SEPTIN7: variants seen among roughly 807,000 people sequenced by gnomAD.
SEPTIN7 encodes the protein septin-7.
A neutral mutation model predicts 63.3 loss-of-function variants in SEPTIN7; 10 were observed. The ratio of observed to expected loss-of-function variants is 0.16; its 90% CI spans 0.10 to 0.27. The LOEUF (loss-of-function observed/expected upper bound fraction) is 0.27. Among genes scored for constraint, SEPTIN7 ranks in the 10% least tolerant of loss-of-function variants. The pLI, the probability that SEPTIN7 is intolerant of heterozygous loss-of-function variation, is 1.00. For synonymous variants in SEPTIN7, 131 were observed against 165.3 expected (o/e 0.79, Z 1.59); for missense variants, 310 against 521.0 (o/e 0.59, Z 3.94).
intron 3 of SEPTIN7, among the ~76,000 whole-genome samples, chr7:35,836,003 G>A (rs1784070431): frequency 6.6e-6 from 1 of 152,096 alleles, no homozygotes; most frequent in African/African-American, 2.4e-5. Flanking sequence ...TTTTTTCACA[G>A]CACACTGACT....
chr7:35,804,573 A>G (rs1370336615), intron 1 of SEPTIN7, among the ~76,000 whole-genome samples: 1 of 152,218 alleles, frequency 6.6e-6, no homozygotes, highest in Non-Finnish European at 1.5e-5. Flanking sequence ...TTAGATATGG[A>G]TGCAAATCTT....
intron 10 of SEPTIN7, chr7:35,888,778 C>G (rs113593466): frequency 3.4e-4 from 93 of 277,020 alleles, no homozygotes; most frequent in African/African-American, 2.0e-3. Flanking sequence ...TGAGATCGTA[C>G]CACTGCATTC....
chr7:35,807,151 T>C (rs1220827437), intron 1 of SEPTIN7, among the ~76,000 whole-genome samples: 1 of 152,114 alleles, frequency 6.6e-6, no homozygotes, highest in Non-Finnish European at 1.5e-5. Flanking sequence ...TGTTATGATG[T>C]TTCTGTTTTC....
intron 3 of SEPTIN7, among the ~76,000 whole-genome samples, chr7:35,842,659 A>G (rs1241394309): frequency 2.6e-5 from 4 of 152,236 alleles, no homozygotes; most frequent in Non-Finnish European, 5.9e-5. Context: ...AGTATTTTAT[A>G]TAATTAGAAG....
chr7:35,836,849 T>C (rs898882576), intron 3 of SEPTIN7, among the ~76,000 whole-genome samples: 7 of 152,294 alleles, frequency 4.6e-5, no homozygotes, highest in African/African-American at 1.4e-4. Flanking sequence ...TTTTAAGATA[T>C]GTTAATTCCG....
chr7:35,872,795 C>T (rs552247179), intron 5 of SEPTIN7, 29 bp downstream of exon 5: 1 of 1,475,470 alleles, frequency 6.8e-7, no homozygotes, highest in South Asian at 1.1e-5. Context: ...CACAACTTTG[C>T]AGTGCATTTG....
At chr7:35,812,067 C>T (rs1788755432) in intron 1 of SEPTIN7, 2 of 252,446 alleles carry the variant, frequency 7.9e-6, no homozygotes, top group Non-Finnish European at 1.7e-5. Context: ...GCAGAGGTTG[C>T]CGTGAGCCAA....
At chr7:35,854,900 G>A (rs1785128952) in intron 3 of SEPTIN7, among the ~76,000 whole-genome samples, 1 of 151,734 alleles carries the variant, frequency 6.6e-6, no homozygotes, top group Admixed American at 6.6e-5. Context: ...TTACAAAGTT[G>A]GTATATTCAC....
Position 35,905,974 on chromosome 7 carries a change from C to T in SEPTIN7, c.*1681C>T, listed in dbSNP as rs564975594. On this transcript the variant is annotated 3_prime_UTR_variant, in exon 14 of 14. Transcript: ENST00000350320. ...TACTTTTTAAAATTAATGACCTAAG[C>T]GGAGGGAATAATTATAAGTCAATAG... The T allele has an allele frequency of 1.7e-4, 26 of 152,066 alleles. No individual in the cohort carries two copies. Among genetic ancestry groups the T allele is most frequent in the Middle Eastern group, 3.4e-3 (1 of 294 alleles). The allele number at this position is 152,066 out of a possible 1,614,324, so 9.4% of individuals were successfully genotyped here.
downstream of SEPTIN7, among the ~76,000 whole-genome samples, chr7:35,908,550 C>T (rs1788678091): frequency 6.6e-6 from 1 of 152,138 alleles, no homozygotes; most frequent in South Asian, 2.1e-4. Context: ...GCCACTCAGG[C>T]TTTCTGAAAC....
intron 7 of SEPTIN7, among the ~76,000 whole-genome samples, chr7:35,880,334 A>G (rs1435474806): frequency 7.2e-6 from 1 of 139,834 alleles, no homozygotes; most frequent in East Asian, 2.1e-4. Flanking sequence ...CCCACTCCCC[A>G]TTTTGTCATG....
chr7:35,907,009 T>C lies in SEPTIN7; in HGVS notation c.*2716T>C, dbSNP rs189593755. 1 of 152,358 alleles carries C rather than the reference T, an allele frequency of 6.6e-6. No individual in the cohort carries two copies. Among genetic ancestry groups the C allele is most frequent in the African/African-American group, 2.4e-5 (1 of 41,588 alleles). 9.4% of individuals were successfully genotyped at this position (152,358 alleles called of 1,614,324 possible). On this transcript the variant is annotated 3_prime_UTR_variant, in exon 14 of 14. Coordinates refer to ENST00000350320, the MANE Select transcript of SEPTIN7 (RefSeq NM_001788.6). ...AGCATGTGTCCATAATTATATGTAT[T>C]GAACAATGAAAATATGTGTCAACAA... is the stretch of plus-strand genomic sequence containing the variant.
intron 12 of SEPTIN7, 51 bp downstream of exon 12, chr7:35,898,434 G>A (rs1255804297): frequency 8.3e-7 from 1 of 1,211,402 alleles, no homozygotes; most frequent in Non-Finnish European, 1.2e-6. Context: ...TCCTTTTTAA[G>A]TAGTATCTTC....
chr7:35,810,880 C>T, intron 1 of SEPTIN7, among the ~76,000 whole-genome samples: 1 of 151,990 alleles, frequency 6.6e-6, no homozygotes, highest in East Asian at 1.9e-4. Context: ...AATTCCTCTG[C>T]CTCAGCCTCC....
intron 3 of SEPTIN7, among the ~76,000 whole-genome samples, chr7:35,858,799 G>A (rs1378254551): frequency 6.6e-6 from 1 of 151,544 alleles, no homozygotes; most frequent in African/African-American, 2.4e-5. Context: ...TCCTGCCTCA[G>A]CCTCCCAAGT....
At chr7:35,914,388 A>ACTCTCCAT in the SEPTIN7 span, among the ~76,000 whole-genome samples, 18 of 152,230 alleles carry the variant, frequency 1.2e-4, 1 homozygote, top group East Asian at 3.3e-3. Context: ...AAAACAGATT[A>ACTCTCCAT]CTCTCCATAG....
At chr7:35,894,884 A>T (rs917331106) in intron 11 of SEPTIN7, among the ~76,000 whole-genome samples, 2 of 152,182 alleles carry the variant, frequency 1.3e-5, no homozygotes, top group Non-Finnish European at 2.9e-5. Flanking sequence ...GGTCATCCTT[A>T]TGTGGCATGG....
At chr7:35,810,695 A>G (rs537329918) in intron 1 of SEPTIN7, among the ~76,000 whole-genome samples, 2 of 151,938 alleles carry the variant, frequency 1.3e-5, no homozygotes, top group Non-Finnish European at 2.9e-5. Context: ...GGGTTATGCT[A>G]GTGTTTCTTT....
At chr7:35,882,361 A>G in intron 7 of SEPTIN7, 123 bp from the exon 8 acceptor site, 1 of 671,546 alleles carries the variant, frequency 1.5e-6, no homozygotes, top group Non-Finnish European at 2.1e-6. Flanking sequence ...TTGCATCATT[A>G]AAAAACAGTA....
Sources: allele counts gnomAD v4.1 joint callset (sites outside exome capture counted in the v4.1 genomes callset), GRCh38; gene constraint gnomAD v4.1.1; transcripts MANE v1.5; gene names NCBI Gene and HGNC (gene_info 2026-07-23, HGNC 2026-07-21).